The following LHFPL2 variants were observed in gnomAD, a reference collection of about 807,000 sequenced individuals.
LHFPL2 encodes the protein LHFPL tetraspan subfamily member 2.
Under a neutral mutation model 17.5 loss-of-function variants are expected in LHFPL2, and 7 were observed. That is an observed-to-expected ratio of 0.40 (90% CI 0.23 to 0.75). LHFPL2 has a LOEUF of 0.75. Among genes scored for constraint, LHFPL2 ranks in the 30% least tolerant of loss-of-function variants. The pLI, the probability that LHFPL2 is intolerant of heterozygous loss-of-function variation, is 0.37. For synonymous variants in LHFPL2, 134 were observed against 116.2 expected, an observed-to-expected ratio of 1.15 and a Z score of -0.99; for missense variants, 241 against 294.8, an observed-to-expected ratio of 0.82 and a Z score of 1.34.
At chr5:78,636,318 C>T (rs1283575161) in intron 1 of LHFPL2, among the ~76,000 whole-genome samples, 1 of 152,238 alleles carries the variant, frequency 6.6e-6, no homozygotes, top group Admixed American at 6.5e-5. Context: ...AAGGGAAACA[C>T]TTCACCCAAT....
In LHFPL2 at chr5:78,628,674, C is replaced by T. The variant is rs545491026; in HGVS notation, c.-245+3590G>A. 2.0e-5 allele frequency among the ~76,000 whole-genome samples: 3 copies of T among 152,324 alleles called. No individual in the cohort carries two copies. In the South Asian group the frequency reaches 6.2e-4, roughly 32 times the overall value. The stretch of plus-strand genomic sequence containing the variant: ...ACCAGCACCTTGGGAGGGCTGGTCA[C>T]CCCCATAAAATGTTAAGTGCACTTT... On this transcript the variant is annotated intron_variant, in intron 2 of 4. Coordinates refer to ENST00000380345, the MANE Select transcript of LHFPL2 (RefSeq NM_005779.3).
intron 2 of LHFPL2, among the ~76,000 whole-genome samples, chr5:78,572,928 C>T (rs753398145): frequency 6.6e-5 from 10 of 152,112 alleles, no homozygotes; most frequent in Admixed American, 1.3e-4. Flanking sequence ...AGATTCCTCG[C>T]ACGCACGGTT....
Position 78,510,277 on chromosome 5 carries a change from T to C in LHFPL2, c.-64A>G, listed in dbSNP as rs1755073234. On this transcript the variant is annotated 5_prime_UTR_variant, in exon 4 of 5. Transcript: ENST00000380345. ...GAGTTAATCAAAACAAGAAAGTCGG[T>C]GGGGAAGGAGGCTCGGGCGGCCCGG... is the stretch of plus-strand genomic sequence containing the variant. 2 of 1,462,858 alleles carry C rather than the reference T, an allele frequency of 1.4e-6. No homozygotes were observed. The highest frequency in any genetic ancestry group is 1.4e-5 in the South Asian group (1 of 71,470). The allele number at this position is 1,462,858 out of a possible 1,614,324, so 90.6% of individuals were successfully genotyped here. A position where few individuals can be genotyped will look rare whatever the true frequency, so the allele number is the denominator to read the frequency against.
At position 78,560,992 on chromosome 5, in the gene LHFPL2, T is replaced by A. The variant is rs368947157; in HGVS notation, c.-186+3821A>T. ...TAAACTAATTTTAATAAATTTCATA[T>A]AACTCAAAATATCTAAAACATTATT... On this transcript the variant is annotated intron_variant, in intron 3 of 4. Transcript: ENST00000380345. Among the ~76,000 whole-genome samples the A allele has an allele frequency of 2.4e-3, 363 of 152,332 alleles. 14 individuals are homozygous for A. The South Asian group carries it at 0.072, about 30-fold the overall frequency.
At chr5:78,598,245 C>G (rs1324913429) in intron 2 of LHFPL2, among the ~76,000 whole-genome samples, 2 of 152,136 alleles carry the variant, frequency 1.3e-5, no homozygotes, top group African/African-American at 4.8e-5. Flanking sequence ...CATTACATTC[C>G]TTTTGATGAC....
chr5:78,622,409 AT>A (rs1031330583), intron 2 of LHFPL2, among the ~76,000 whole-genome samples: 41 of 152,250 alleles, frequency 2.7e-4, no homozygotes, highest in African/African-American at 9.9e-4. Context: ...CCTCCCAACA[AT>A]TTTATGAAGT....
At chr5:78,647,667 G>C (rs1244039280) in intron 1 of LHFPL2, among the ~76,000 whole-genome samples, 2 of 152,134 alleles carry the variant, frequency 1.3e-5, no homozygotes, top group Non-Finnish European at 2.9e-5. Context: ...GGTGGGGATA[G>C]GACTTTGTCT....
intron 4 of LHFPL2, among the ~76,000 whole-genome samples, 184 bp downstream of exon 4, chr5:78,509,600 G>A (rs1283065698): frequency 3.9e-5 from 6 of 151,912 alleles, no homozygotes; most frequent in African/African-American, 1.5e-4. Flanking sequence ...GTAAGACAGG[G>A]GAAAGAGACC....
At chr5:78,574,643 C>A (rs1293196214) in intron 2 of LHFPL2, among the ~76,000 whole-genome samples, 2 of 152,238 alleles carry the variant, frequency 1.3e-5, no homozygotes, top group Non-Finnish European at 2.9e-5. Context: ...TGCTGATCAG[C>A]AAATTCAACA....
intron 4 of LHFPL2, among the ~76,000 whole-genome samples, chr5:78,506,289 A>G (rs1276162851): frequency 6.6e-6 from 1 of 152,246 alleles, no homozygotes; most frequent in Non-Finnish European, 1.5e-5. Flanking sequence ...GTGTAGCAAA[A>G]GAATATGCTT....
Position 78,487,772 on chromosome 5 carries a change from G to A in LHFPL2, c.*1125C>T, listed in dbSNP as rs1194654061. ...GTCCTCTGTGCTTTCCTGGAATTAA[G>A]GTCTTGGCTGCAGTTCTTCAGTTGC... On this transcript the variant is annotated 3_prime_UTR_variant, in exon 5 of 5. Coordinates refer to ENST00000380345, the MANE Select transcript of LHFPL2 (RefSeq NM_005779.3). 6.6e-6 allele frequency: 1 copy of A among 152,168 alleles called. No homozygotes were observed. Among genetic ancestry groups the A allele is most frequent in the East Asian group, 1.9e-4 (1 of 5,194 alleles). 9.4% of individuals were successfully genotyped at this position (152,168 alleles called of 1,614,324 possible).
chr5:78,508,233 G>C (rs1168394734), intron 4 of LHFPL2, among the ~76,000 whole-genome samples: 1 of 152,128 alleles, frequency 6.6e-6, no homozygotes, highest in Non-Finnish European at 1.5e-5. Context: ...CTGAGACCCG[G>C]GGTGGTACAT....
At chr5:78,623,022 AG>A (rs1434886977) in intron 2 of LHFPL2, among the ~76,000 whole-genome samples, 1 of 152,242 alleles carries the variant, frequency 6.6e-6, no homozygotes, top group Non-Finnish European at 1.5e-5. Flanking sequence ...AGAGGAAAAT[AG>A]AGAAGATACA....
chr5:78,504,284 A>T (rs111512123), intron 4 of LHFPL2, among the ~76,000 whole-genome samples: 267 of 152,270 alleles, frequency 1.8e-3, no homozygotes, highest in African/African-American at 6.2e-3. Flanking sequence ...TGGGCAACCA[A>T]GGTCACACCA....
intron 2 of LHFPL2, among the ~76,000 whole-genome samples, chr5:78,590,860 G>A (rs1743602802): frequency 6.6e-6 from 1 of 152,134 alleles, no homozygotes; most frequent in Admixed American, 6.5e-5. Context: ...TGTTACCACT[G>A]GTTTATAGCT....
chr5:78,586,913 C>A (rs1215899802), intron 2 of LHFPL2, among the ~76,000 whole-genome samples: 1 of 152,094 alleles, frequency 6.6e-6, no homozygotes. Flanking sequence ...CTTTTTAATT[C>A]TTTTTGCTGC....
chr5:78,516,998 A>C (rs1353061532), intron 3 of LHFPL2, among the ~76,000 whole-genome samples: 1 of 152,240 alleles, frequency 6.6e-6, no homozygotes, highest in Non-Finnish European at 1.5e-5. Flanking sequence ...TTGGCCACAC[A>C]GGCTTCTGCT....
intron 3 of LHFPL2, among the ~76,000 whole-genome samples, chr5:78,554,815 G>A (rs1316445574): frequency 6.6e-6 from 1 of 152,104 alleles, no homozygotes; most frequent in African/African-American, 2.4e-5. Context: ...AAAACGGATT[G>A]GATTTCAGGG....
intron 2 of LHFPL2, among the ~76,000 whole-genome samples, chr5:78,569,516 C>G (rs1483850731): frequency 4.6e-5 from 7 of 152,152 alleles, no homozygotes; most frequent in Admixed American, 4.6e-4. Context: ...CATTCTCTGA[C>G]AACAGGTCCA....
Sources: gnomAD v4.1 joint callset for allele counts (sites outside exome capture counted in the v4.1 genomes callset) on GRCh38, gnomAD v4.1.1 for gene constraint, MANE v1.5 for transcripts, NCBI Gene and HGNC (gene_info 2026-07-23, HGNC 2026-07-21) for gene names.